Variants in ADAMTS12 observed in about 807,000 individuals in gnomAD.
The protein encoded by ADAMTS12 is ADAM metallopeptidase with thrombospondin type 1 motif 12.
ADAMTS12 carries 118 observed loss-of-function variants against 167.8 expected under a neutral mutation model. The ratio of observed to expected loss-of-function variants is 0.70; its 90% confidence interval spans 0.61 to 0.82. The LOEUF is 0.82. Among genes scored for constraint, ADAMTS12 ranks in the 40% least tolerant of loss-of-function variants. The probability of loss-of-function intolerance (pLI) is 0.00; values close to 1 mark genes in which losing one functional copy is unlikely to be tolerated. For missense variants in ADAMTS12, 1,916 were observed against 1,998.8 expected (o/e 0.96, Z 0.79); for synonymous variants, 704 against 716.9 (o/e 0.98, Z 0.29).
intron 2 of ADAMTS12, among the ~76,000 whole-genome samples, chr5:33,874,045 G>C (rs1217742845): frequency 6.6e-6 from 1 of 151,706 alleles, no homozygotes; most frequent in Non-Finnish European, 1.5e-5. Context: ...AACATCAAAG[G>C]AATTACCCAT....
At chr5:33,741,644 T>C (rs573298146) in intron 3 of ADAMTS12, among the ~76,000 whole-genome samples, 1 of 152,210 alleles carries the variant, frequency 6.6e-6, no homozygotes, top group African/African-American at 2.4e-5. Flanking sequence ...CCACTTTTTT[T>C]TGGAGATGGA....
At chr5:33,833,314 C>T (rs1748377919) in intron 2 of ADAMTS12, among the ~76,000 whole-genome samples, 7 of 152,194 alleles carry the variant, frequency 4.6e-5, no homozygotes, top group Admixed American at 4.6e-4. Context: ...CAAGCTCTGA[C>T]AAGCATTTCT....
At chr5:33,652,778 G>C (rs892611756) in intron 7 of ADAMTS12, among the ~76,000 whole-genome samples, 12 of 152,112 alleles carry the variant, frequency 7.9e-5, no homozygotes, top group African/African-American at 2.4e-4. Context: ...TCAATCTTGA[G>C]TTAGTTTCTG....
chr5:33,837,552 C>A (rs1748580380), intron 2 of ADAMTS12, among the ~76,000 whole-genome samples: 2 of 152,198 alleles, frequency 1.3e-5, no homozygotes, highest in South Asian at 2.1e-4. Context: ...TCTGACCCCA[C>A]AGGGCAGGGC....
chr5:33,802,081 G>A (rs2112473813), intron 2 of ADAMTS12, among the ~76,000 whole-genome samples: 1 of 152,330 alleles, frequency 6.6e-6, no homozygotes, highest in Admixed American at 6.5e-5. Context: ...TAAGGTTACA[G>A]TGAGAAGGCA....
chr5:33,653,591 G>A (rs1309642836), intron 7 of ADAMTS12, among the ~76,000 whole-genome samples: 5 of 151,958 alleles, frequency 3.3e-5, no homozygotes, highest in African/African-American at 9.7e-5. Context: ...CTTGGTTGTC[G>A]ACAGGTCTTT....
intron 5 of ADAMTS12, among the ~76,000 whole-genome samples, chr5:33,676,220 G>A (rs75266786): frequency 0.027 from 4,086 of 152,150 alleles, 184 homozygotes; most frequent in African/African-American, 0.095. Context: ...TTGCAAGAAC[G>A]TGGCTTTTGT....
chr5:33,826,606 A>C (rs1280623317), intron 2 of ADAMTS12, among the ~76,000 whole-genome samples: 1 of 150,600 alleles, frequency 6.6e-6, no homozygotes, highest in Non-Finnish European at 1.5e-5. Flanking sequence ...ATATATATAT[A>C]ATTTTGAGTT....
intron 14 of ADAMTS12, among the ~76,000 whole-genome samples, chr5:33,616,359 T>C (rs1297554986): frequency 1.3e-5 from 2 of 152,208 alleles, no homozygotes; most frequent in Non-Finnish European, 1.5e-5. Context: ...CTAGCATTTA[T>C]TTTTCTGTAA....
intron 16 of ADAMTS12, among the ~76,000 whole-genome samples, chr5:33,612,854 CTTGATAGA>C (rs1334405440): frequency 6.6e-6 from 1 of 152,310 alleles, no homozygotes; most frequent in African/African-American, 2.4e-5. Context: ...CACCTTTGAC[CTTGATAGA>C]TTTCCAGAGG....
chr5:33,558,508 AAGAG>A (rs943004721), intron 20 of ADAMTS12, among the ~76,000 whole-genome samples: 1 of 151,542 alleles, frequency 6.6e-6, no homozygotes, highest in African/African-American at 2.4e-5. Flanking sequence ...AAGGCCATGA[AAGAG>A]AGAGAGAGAG....
intron 22 of ADAMTS12, among the ~76,000 whole-genome samples, chr5:33,539,808 A>G (rs1304243457): frequency 6.6e-6 from 1 of 152,056 alleles, no homozygotes; most frequent in East Asian, 1.9e-4. Context: ...CCATTTTTTT[A>G]AAAAGCTAAA....
intron 3 of ADAMTS12, 150 bp downstream of exon 3, chr5:33,751,254 A>G (rs936686988): frequency 8.2e-6 from 8 of 974,894 alleles, no homozygotes; most frequent in Non-Finnish European, 1.2e-5. Flanking sequence ...GCAAGAGAAT[A>G]CAGAAGAGAT....
intron 10 of ADAMTS12, 82 bp downstream of exon 10, chr5:33,643,296 G>T (rs1482016290): frequency 2.9e-6 from 4 of 1,384,910 alleles, no homozygotes; most frequent in Middle Eastern, 2.1e-4. Context: ...AGAGAGAGTT[G>T]CCCTCTAGGG....
At chr5:33,630,958 C>A in intron 12 of ADAMTS12, 45 bp from the exon 13 acceptor site, 1 of 1,599,040 alleles carries the variant, frequency 6.3e-7, no homozygotes, top group Non-Finnish European at 8.6e-7. Context: ...TAGCTTTTAG[C>A]TCAGCATCCT....
rs1487618174 is a variant in ADAMTS12 at position 33,637,725 on chromosome 5, A to G, written c.1740T>C (p.Tyr580=). The G allele has an allele frequency of 6.2e-7, 1 of 1,613,214 alleles. No individual in the cohort carries two copies. The highest frequency in any genetic ancestry group is 2.2e-5 in the East Asian group (1 of 44,850). Residue 580 remains tyrosine (Y), a synonymous_variant, in exon 12 of 24, where the codon TAT becomes TAC. Transcript: ENST00000504830. ...GATAGCGTTTTCTTTCTCCAGTGCAATATTTCCCTCCAAACTTTGGCCTGC... is the reference window on the plus strand; with the variant it reads ...GATAGCGTTTTCTTTCTCCAGTGCAGTATTTCCCTCCAAACTTTGGCCTGC... ...NNPEPKFGGK[Y]CTGERKRYRL...
chr5:33,772,686 A>C (rs773970289), intron 2 of ADAMTS12, among the ~76,000 whole-genome samples: 8 of 152,170 alleles, frequency 5.3e-5, no homozygotes, highest in Non-Finnish European at 7.4e-5. Flanking sequence ...TAGCATAGTG[A>C]GGGTTTCTAA....
chr5:33,630,832 G>A lies in ADAMTS12; in HGVS notation c.1970C>T (p.Pro657Leu). 1 of 1,613,646 alleles carries A rather than the reference G, an allele frequency of 6.2e-7. No individual in the cohort carries two copies. Among genetic ancestry groups the A allele is most frequent in the Non-Finnish European group, 8.5e-7 (1 of 1,179,662 alleles). Residue 657 changes from proline to leucine, a missense_variant, in exon 13 of 24, where the codon CCT becomes CTT. Transcript: ENST00000504830. ...KMLDAVIDGT[P>L]CFEGGNSRNV... ...TCTGCTGTTGCCGCCTTCAAAGCAA[G>A]GGGTACCATCAATGACAGCATCCAG... is the stretch of plus-strand genomic sequence containing the variant.
At chr5:33,680,512 C>CAT in intron 5 of ADAMTS12, among the ~76,000 whole-genome samples, 1 of 149,934 alleles carries the variant, frequency 6.7e-6, no homozygotes, top group Non-Finnish European at 1.5e-5. Flanking sequence ...CTTTCTTCTT[C>CAT]TTTTTTTTTG....
Sources: allele counts gnomAD v4.1 joint callset (sites outside exome capture counted in the v4.1 genomes callset), GRCh38; gene constraint gnomAD v4.1.1; transcripts MANE v1.5; gene names NCBI Gene and HGNC (gene_info 2026-07-23, HGNC 2026-07-21).